ESR2: variants seen among roughly 807,000 people sequenced by gnomAD.
ESR2 encodes the protein estrogen receptor 2, also known as estrogen receptor beta.
In ESR2, 36 loss-of-function variants were observed where a neutral mutation model predicts 49.6. That is an observed-to-expected ratio of 0.73 (90% confidence interval 0.56 to 0.96). ESR2 has a LOEUF of 0.96. Among genes scored for constraint, ESR2 ranks in the 40% least tolerant of loss-of-function variants. The probability of loss-of-function intolerance (pLI) is 0.00; values close to 1 mark genes in which losing one functional copy is unlikely to be tolerated. For synonymous variants in ESR2, 320 were observed against 266.1 expected (o/e 1.20, Z -1.97); for missense variants, 714 against 693.0 (o/e 1.03, Z -0.34).
chr14:64,239,474 A>C (rs1211149161), intron 7 of ESR2, among the ~76,000 whole-genome samples: 12 of 152,292 alleles, frequency 7.9e-5, no homozygotes, highest in African/African-American at 2.4e-4. Flanking sequence ...GTAAATCTTA[A>C]AACTGTTTAA....
intron 3 of ESR2, among the ~76,000 whole-genome samples, chr14:64,270,214 T>C (rs1179077459): frequency 6.6e-6 from 1 of 152,104 alleles, no homozygotes; most frequent in Non-Finnish European, 1.5e-5. Context: ...TCACAAAATA[T>C]ATGTAGAAGA....
intron 6 of ESR2, among the ~76,000 whole-genome samples, chr14:64,250,019 C>T (rs1464402922): frequency 6.6e-6 from 1 of 152,204 alleles, no homozygotes; most frequent in Non-Finnish European, 1.5e-5. Context: ...TGTTTTCAAT[C>T]AAAACCATAT....
intron 6 of ESR2, among the ~76,000 whole-genome samples, chr14:64,256,991 G>A (rs2076113731): frequency 6.6e-6 from 1 of 152,080 alleles, no homozygotes. Context: ...CCCTATTAAA[G>A]CGCTGGCCTG....
intron 7 of ESR2, among the ~76,000 whole-genome samples, chr14:64,242,566 A>G (rs1457536189): frequency 1.3e-5 from 2 of 151,680 alleles, no homozygotes; most frequent in African/African-American, 4.8e-5. Context: ...CTGCTTGTTC[A>G]TGATGTGCTA....
chr14:64,281,774 G>GGAAT lies in ESR2; in HGVS notation c.362+846_362+849dup, dbSNP rs2076673874. ...GTACACATATCCTTTTTAACTTCAG[G>GGAAT]GAATGTCAACTGAAGCCTAAACTTC... On this transcript the variant is annotated intron_variant, in intron 2 of 8. Coordinates refer to ENST00000341099, the MANE Select transcript of ESR2 (RefSeq NM_001437.3). Among the ~76,000 whole-genome samples the GGAAT allele has an allele frequency of 2.0e-5, 3 of 152,074 alleles. No individual in the cohort carries two copies. The South Asian group carries it at 6.2e-4, about 32-fold the overall frequency.
At chr14:64,287,021 GTTGT>G (rs904235560) in intron 1 of ESR2, among the ~76,000 whole-genome samples, 34 of 147,524 alleles carry the variant, frequency 2.3e-4, no homozygotes, top group African/African-American at 8.4e-4. Flanking sequence ...CTGGCCTGAA[GTTGT>G]TTTTTTTTTT....
chr14:64,304,694 C>T (rs1459109773), intron 1 of ESR2, among the ~76,000 whole-genome samples: 1 of 151,942 alleles, frequency 6.6e-6, no homozygotes, highest in African/African-American at 2.4e-5. Context: ...CATAGTGAGA[C>T]CATGTCTCTG....
chr14:64,324,588 C>G (rs1420340362), intron 1 of ESR2, among the ~76,000 whole-genome samples: 1 of 152,032 alleles, frequency 6.6e-6, no homozygotes, highest in Non-Finnish European at 1.5e-5. Flanking sequence ...TTGTTGTTCC[C>G]TATACTTTTC....
At chr14:64,282,523 C>T (rs1469884923) in intron 2 of ESR2, 101 bp downstream of exon 2, 1 of 1,261,842 alleles carries the variant, frequency 7.9e-7, no homozygotes, top group African/African-American at 1.5e-5. Context: ...GTAATTAATA[C>T]AATAAAGACC....
At chr14:64,291,797 T>C (rs1269244530) in intron 1 of ESR2, among the ~76,000 whole-genome samples, 1 of 152,218 alleles carries the variant, frequency 6.6e-6, no homozygotes. Context: ...GCATTTTAAA[T>C]GTCTTCAATT....
intron 4 of ESR2, among the ~76,000 whole-genome samples, 158 bp from the exon 5 acceptor site, chr14:64,260,906 T>C (rs2076208115): frequency 6.6e-6 from 1 of 152,158 alleles, no homozygotes; most frequent in African/African-American, 2.4e-5. Context: ...TTTCAGAAAC[T>C]TTTTAGGTCT....
At chr14:64,258,666 G>A (rs1849414097) in intron 5 of ESR2, among the ~76,000 whole-genome samples, 2 of 152,136 alleles carry the variant, frequency 1.3e-5, no homozygotes, top group South Asian at 4.1e-4. Flanking sequence ...TCTGCCTCAA[G>A]GAGAATGTAA....
chr14:64,244,023 T>A (rs141885812), intron 7 of ESR2, among the ~76,000 whole-genome samples: 7 of 152,260 alleles, frequency 4.6e-5, no homozygotes, highest in African/African-American at 1.7e-4. Context: ...CTTGACTGGA[T>A]AAAGGGATAC....
At chr14:64,255,355 G>GGCTTGGCTAGGT (rs2076078091) in intron 6 of ESR2, among the ~76,000 whole-genome samples, 2 of 152,082 alleles carry the variant, frequency 1.3e-5, no homozygotes, top group South Asian at 4.2e-4. Context: ...TGAGAGCAAT[G>GGCTTGGCTAGGT]GCTTGGCTAG....
intron 3 of ESR2, among the ~76,000 whole-genome samples, chr14:64,272,193 C>T (rs1048722808): frequency 1.3e-5 from 2 of 152,136 alleles, no homozygotes; most frequent in African/African-American, 2.4e-5. Flanking sequence ...GCCATTTGTA[C>T]ATCTTCTTTT....
chr14:64,260,140 A>G (rs749731101), intron 5 of ESR2: 1 of 590,198 alleles, frequency 1.7e-6, no homozygotes, highest in African/African-American at 1.8e-5. Context: ...GGATGCATCT[A>G]GCCATGGGAA....
chr14:64,272,292 ATTGT>A (rs1362600708), intron 3 of ESR2, among the ~76,000 whole-genome samples: 1 of 151,852 alleles, frequency 6.6e-6, no homozygotes, highest in Non-Finnish European at 1.5e-5. Context: ...CTATATTCTG[ATTGT>A]TAATACCTTG....
At chr14:64,253,007 C>A (rs935834799) in intron 6 of ESR2, among the ~76,000 whole-genome samples, 2 of 151,824 alleles carry the variant, frequency 1.3e-5, no homozygotes, top group Non-Finnish European at 2.9e-5. Flanking sequence ...AGGCACACAC[C>A]ACTATGCCTG....
chr14:64,268,805 C>T lies in ESR2; in HGVS notation c.642G>A (p.Met214Ile), dbSNP rs1290256152. The change falls in exon 4 of 9, where the codon ATG (methionine) becomes ATA (isoleucine). Residue 214 changes from methionine (M) to isoleucine (I), a missense_variant. Transcript: ENST00000341099. Reference sequence around the variant, plus strand: ...GAAGCAAGCACTCACCACACTTCACCATTCCCACTTCGTAACACTTCCGAA... The same window carrying T: ...GAAGCAAGCACTCACCACACTTCACTATTCCCACTTCGTAACACTTCCGAA... Reference protein sequence around the residue: ...CRLRKCYEVGMVKCGSRRERC... With the variant: ...CRLRKCYEVGIVKCGSRRERC... The T allele has an allele frequency of 6.2e-7, 1 of 1,608,226 alleles. No homozygotes were observed. The highest frequency in any genetic ancestry group is 2.2e-5 in the East Asian group (1 of 44,876).
Sources: gnomAD v4.1 joint callset for allele counts (sites outside exome capture counted in the v4.1 genomes callset) on GRCh38, gnomAD v4.1.1 for gene constraint, MANE v1.5 for transcripts, NCBI Gene and HGNC (gene_info 2026-07-23, HGNC 2026-07-21) for gene names.